Variants in THSD7B observed in about 807,000 individuals in gnomAD.
THSD7B encodes thrombospondin type 1 domain containing 7B.
THSD7B carries 138 observed loss-of-function variants against 213.6 expected under a neutral mutation model. The ratio of observed to expected loss-of-function variants is 0.65; its 90% CI spans 0.56 to 0.74. The LOEUF (loss-of-function observed/expected upper bound fraction) is 0.74, where lower values mean the gene tolerates loss of function less well. THSD7B is among the 30% of genes least tolerant of loss of function. THSD7B has a pLI of 0.00. For missense variants in THSD7B, 1,931 were observed against 1,991.5 expected (o/e 0.97, Z 0.58); for synonymous variants, 742 against 687.0 (o/e 1.08, Z -1.25).
At chr2:137,342,351 T>C (rs1684780478) in intron 12 of THSD7B, among the ~76,000 whole-genome samples, 1 of 151,028 alleles carries the variant, frequency 6.6e-6, no homozygotes. Flanking sequence ...GTGTTGATTT[T>C]GTATCCTGAA....
At chr2:136,851,171 C>G (rs1683093389) in intron 1 of THSD7B, among the ~76,000 whole-genome samples, 2 of 152,136 alleles carry the variant, frequency 1.3e-5, no homozygotes, top group South Asian at 4.1e-4. Flanking sequence ...CTAACATATT[C>G]TTTTCATTTG....
intron 16 of THSD7B, among the ~76,000 whole-genome samples, chr2:137,564,072 T>C (rs1215899080): frequency 2.0e-5 from 3 of 152,232 alleles, no homozygotes; most frequent in Admixed American, 6.5e-5. Flanking sequence ...ACAATATTTA[T>C]ACATAATGAT....
chr2:137,558,044 C>T (rs971207521), intron 15 of THSD7B, among the ~76,000 whole-genome samples: 8 of 152,312 alleles, frequency 5.3e-5, no homozygotes, highest in East Asian at 1.9e-4. Flanking sequence ...AGACCAATAA[C>T]AGGCTCTGAA....
At chr2:136,817,722 A>C (rs1490949604) in intron 1 of THSD7B, among the ~76,000 whole-genome samples, 1 of 152,006 alleles carries the variant, frequency 6.6e-6, no homozygotes, top group Non-Finnish European at 1.5e-5. Context: ...CAACCCCATC[A>C]AAAAGTGGGC....
At chr2:136,952,265 C>T (rs1186296934) in intron 2 of THSD7B, among the ~76,000 whole-genome samples, 1 of 151,964 alleles carries the variant, frequency 6.6e-6, no homozygotes, top group African/African-American at 2.4e-5. Flanking sequence ...ATTAACAAAA[C>T]ATATTTTACT....
intron 14 of THSD7B, among the ~76,000 whole-genome samples, chr2:137,435,670 C>CTAT (rs1687276108): frequency 6.6e-6 from 1 of 152,084 alleles, no homozygotes; most frequent in Non-Finnish European, 1.5e-5. Context: ...AACTGATATA[C>CTAT]TATTAGTCTA....
At chr2:136,772,406 T>A (rs1681524115) in intron 1 of THSD7B, among the ~76,000 whole-genome samples, 1 of 152,098 alleles carries the variant, frequency 6.6e-6, no homozygotes, top group African/African-American at 2.4e-5. Flanking sequence ...GCATGAAGAT[T>A]ATATCATCTC....
intron 17 of THSD7B, among the ~76,000 whole-genome samples, chr2:137,598,288 T>C (rs1682003601): frequency 6.6e-6 from 1 of 152,212 alleles, no homozygotes; most frequent in African/African-American, 2.4e-5. Flanking sequence ...TTGAAATATA[T>C]GTCACTGCTA....
intron 2 of THSD7B, among the ~76,000 whole-genome samples, chr2:136,937,313 C>T (rs549046146): frequency 3.4e-4 from 52 of 152,060 alleles, no homozygotes; most frequent in Admixed American, 6.6e-4. Flanking sequence ...TCACCTCTTA[C>T]TTGCTAACTC....
intron 17 of THSD7B, among the ~76,000 whole-genome samples, chr2:137,601,533 C>T (rs181425490): frequency 2.6e-5 from 4 of 152,146 alleles, no homozygotes; most frequent in Non-Finnish European, 2.9e-5. Flanking sequence ...CCAGGCTATC[C>T]CATCCAGGTT....
At position 137,657,263 on chromosome 2, in the gene THSD7B, G is replaced by T; in HGVS notation, c.4375+103G>T. The stretch of plus-strand genomic sequence containing the variant: ...AAATTATAAACAAGGGGTGACTTGG[G>T]CAGGTAGCTTAGATGAATTTTATTA... On this transcript the variant is annotated intron_variant, in intron 24 of 27. Transcript: ENST00000409968. The T allele has an allele frequency of 3.8e-6, 4 of 1,063,724 alleles. No individual in the cohort carries two copies. In the South Asian group the frequency reaches 7.1e-5, roughly 19 times the overall value. 65.9% of individuals were successfully genotyped at this position (1,063,724 alleles called of 1,614,324 possible). A position where few individuals can be genotyped will look rare whatever the true frequency, so the allele number is the denominator to read the frequency against.
At chr2:137,000,783 TTAGA>T (rs1482098522) in intron 2 of THSD7B, among the ~76,000 whole-genome samples, 2 of 152,148 alleles carry the variant, frequency 1.3e-5, no homozygotes, top group Non-Finnish European at 2.9e-5. Flanking sequence ...TGATCATTAA[TTAGA>T]TAGCTACCAG....
chr2:137,518,089 G>A (rs1680108652), intron 15 of THSD7B, among the ~76,000 whole-genome samples: 1 of 152,062 alleles, frequency 6.6e-6, no homozygotes, highest in Admixed American at 6.6e-5. Context: ...ATGTGATTGG[G>A]CTCAAGCAGT....
chr2:137,411,571 AT>A (rs755927208), intron 13 of THSD7B, 37 bp from the exon 14 acceptor site: 2 of 1,559,516 alleles, frequency 1.3e-6, no homozygotes, highest in South Asian at 2.4e-5. Context: ...AAAACAGCAG[AT>A]AAGCATTTAA....
intron 1 of THSD7B, among the ~76,000 whole-genome samples, chr2:136,786,566 A>G (rs1208976877): frequency 2.0e-5 from 3 of 151,904 alleles, no homozygotes; most frequent in South Asian, 2.1e-4. Context: ...TCTTGTATTT[A>G]TTTAGTTAAT....
Position 137,552,696 on chromosome 2 carries a change from A to G in THSD7B, c.3139-10525A>G, listed in dbSNP as rs185848674. On this transcript the variant is annotated intron_variant, in intron 15 of 27. Transcript: ENST00000409968. ...ATTGCATGCATTACATTGTACACAA[A>G]CAGATATGAATGCATGGTTGATAAA... Among the ~76,000 whole-genome samples the G allele has an allele frequency of 1.4e-4, 22 of 152,324 alleles. 1 individual carries two copies. Among genetic ancestry groups the G allele is most frequent in the African/African-American group, 5.1e-4 (21 of 41,566 alleles).
chr2:137,538,982 T>G (rs11692824), intron 15 of THSD7B, among the ~76,000 whole-genome samples: 25,297 of 151,588 alleles, frequency 0.17, 2,248 homozygotes, highest in South Asian at 0.28. Flanking sequence ...TTTCAGAAAA[T>G]TAATGGTGTT....
intron 5 of THSD7B, among the ~76,000 whole-genome samples, chr2:137,147,600 A>G (rs1165993445): frequency 6.6e-6 from 1 of 151,240 alleles, no homozygotes; most frequent in Non-Finnish European, 1.5e-5. Context: ...TTTGGAGGAG[A>G]ATGTTATTTT....
chr2:136,777,809 A>G (rs1043941034), intron 1 of THSD7B, among the ~76,000 whole-genome samples: 8 of 152,202 alleles, frequency 5.3e-5, no homozygotes, highest in African/African-American at 1.7e-4. Context: ...TAAAAGGGAA[A>G]ATTAATTAGA....
Sources: allele counts gnomAD v4.1 joint callset (sites outside exome capture counted in the v4.1 genomes callset), GRCh38; gene constraint gnomAD v4.1.1; transcripts MANE v1.5; gene names NCBI Gene and HGNC (gene_info 2026-07-23, HGNC 2026-07-21).